Variants in CDC37L1 observed in about 807,000 individuals in gnomAD.
CDC37L1 encodes the protein cell division cycle 37 like 1, HSP90 cochaperone.
A neutral mutation model predicts 45.9 loss-of-function variants in CDC37L1; 32 were observed. The observed-to-expected ratio is 0.70, with a 90% CI of 0.53 to 0.94. The LOEUF is 0.94. Among genes scored for constraint, CDC37L1 ranks in the 40% least tolerant of loss-of-function variants. The pLI, the probability that CDC37L1 is intolerant of heterozygous loss-of-function variation, is 0.00. For missense variants in CDC37L1, 434 were observed against 405.7 expected (o/e 1.07, Z -0.60); for synonymous variants, 150 against 133.0 (o/e 1.13, Z -0.88).
In CDC37L1 at chr9:4,679,744, T is replaced by G. The variant is rs1357570716; in HGVS notation, c.-24T>G. 6.2e-7 allele frequency: 1 copy of G among 1,601,082 alleles called. No individual in the cohort carries two copies. Among genetic ancestry groups the G allele is most frequent in the South Asian group, 1.1e-5 (1 of 90,168 alleles). The stretch of plus-strand genomic sequence containing the variant: ...GTGGCAGTTGTAGGGCCAAGGGCGG[T>G]TGTAGGACCCGGAGCAGCCGGACAT... On this transcript the variant is annotated 5_prime_UTR_variant, in exon 1 of 7. Coordinates refer to ENST00000381854, the MANE Select transcript of CDC37L1 (RefSeq NM_017913.4).
intron 6 of CDC37L1, among the ~76,000 whole-genome samples, chr9:4,702,559 CTT>C (rs1841408366): frequency 6.6e-6 from 1 of 152,112 alleles, no homozygotes; most frequent in African/African-American, 2.4e-5. Flanking sequence ...GTTTGAGCCT[CTT>C]TGAAGTCTTC....
intron 1 of CDC37L1, among the ~76,000 whole-genome samples, chr9:4,682,465 C>T (rs1272410621): frequency 4.6e-5 from 7 of 151,754 alleles, no homozygotes; most frequent in Admixed American, 2.0e-4. Context: ...GTAGCTGGGA[C>T]TACAGGCACC....
intron 6 of CDC37L1, among the ~76,000 whole-genome samples, chr9:4,704,508 G>A (rs1048305431): frequency 6.6e-6 from 1 of 152,194 alleles, no homozygotes; most frequent in Non-Finnish European, 1.5e-5. Context: ...ATGGGTGGAT[G>A]AGTTTTGGAG....
chr9:4,689,075 G>T (rs1024622848), intron 3 of CDC37L1, among the ~76,000 whole-genome samples: 1 of 152,088 alleles, frequency 6.6e-6, no homozygotes, highest in Non-Finnish European at 1.5e-5. Context: ...TGAAAAATAG[G>T]TTTTTTCTAT....
rs1180182975 is a variant in CDC37L1 at position 4,707,198 on chromosome 9, C to T, written c.*1086C>T. ...TTTTCAGCTCAGTTACCATAGAATA[C>T]TTCCAAGCTTTACTACTTCCTCTGT... On this transcript the variant is annotated 3_prime_UTR_variant, in exon 7 of 7. Transcript: ENST00000381854. The T allele has an allele frequency of 6.6e-6, 1 of 151,672 alleles. No individual in the cohort carries two copies. The highest frequency in any genetic ancestry group is 2.4e-5 in the African/African-American group (1 of 41,130). 9.4% of individuals were successfully genotyped at this position (151,672 alleles called of 1,614,324 possible).
Position 4,701,848 on chromosome 9 carries a change from T to G in CDC37L1, c.748-16T>G. The G allele has an allele frequency of 6.4e-7, 1 of 1,573,718 alleles. No homozygotes were observed. Among genetic ancestry groups the G allele is most frequent in the Non-Finnish European group, 8.6e-7 (1 of 1,162,632 alleles). The stretch of plus-strand genomic sequence containing the variant: ...TTGAAGAACACAGTCTTTGTTTTTT[T>G]TTTTGTTTTTTCTAGGCAGAGGAAG... On this transcript the variant is annotated splice_polypyrimidine_tract_variant and intron_variant, in intron 5 of 6. Coordinates refer to ENST00000381854, the MANE Select transcript of CDC37L1 (RefSeq NM_017913.4).
chr9:4,702,524 T>C (rs1025882649), intron 6 of CDC37L1, among the ~76,000 whole-genome samples: 4 of 152,196 alleles, frequency 2.6e-5, no homozygotes, highest in Non-Finnish European at 5.9e-5. Context: ...GCTGATAATA[T>C]TGTATCTGGT....
chr9:4,688,622 G>C lies in CDC37L1; in HGVS notation c.508+16G>C, dbSNP rs762631211. On this transcript the variant is annotated intron_variant, in intron 3 of 6. Coordinates refer to ENST00000381854, the MANE Select transcript of CDC37L1 (RefSeq NM_017913.4). ...AGACATTTTGGTAAGTCTACTACTTGGATTTCCTTCTTTGTAATGTTTGGT... is the reference window on the plus strand; with the variant it reads ...AGACATTTTGGTAAGTCTACTACTTCGATTTCCTTCTTTGTAATGTTTGGT... The C allele has an allele frequency of 1.4e-6, 2 of 1,422,728 alleles. No individual in the cohort carries two copies. The highest frequency in any genetic ancestry group is 2.9e-5 in the African/African-American group (2 of 68,768). The allele number at this position is 1,422,728 out of a possible 1,614,324, so 88.1% of individuals were successfully genotyped here. A position where few individuals can be genotyped will look rare whatever the true frequency, so the allele number is the denominator to read the frequency against.
Position 4,693,520 on chromosome 9 carries a change from T to C in CDC37L1, c.509-3576T>C, listed in dbSNP as rs189190390. On this transcript the variant is annotated intron_variant, in intron 3 of 6. Transcript: ENST00000381854. ...TGAAAGAGGAAAGGGAAATCAGTAA[T>C]AAGGAAGGACGTGTATTTCAGGACC... 3.9e-5 allele frequency among the ~76,000 whole-genome samples: 6 copies of C among 152,172 alleles called. 1 individual carries two copies. In the East Asian group the frequency reaches 1.2e-3, roughly 29 times the overall value.
At chr9:4,704,737 T>C (rs1055622579) in intron 6 of CDC37L1, among the ~76,000 whole-genome samples, 1 of 152,240 alleles carries the variant, frequency 6.6e-6, no homozygotes, top group Non-Finnish European at 1.5e-5. Flanking sequence ...TCATTTCTTT[T>C]TTTTAATAAT....
chr9:4,693,824 T>C (rs937535484), intron 3 of CDC37L1, among the ~76,000 whole-genome samples: 23 of 152,282 alleles, frequency 1.5e-4, no homozygotes, highest in African/African-American at 5.3e-4. Flanking sequence ...ATTAATAGCA[T>C]TTAATTGTCA....
At position 4,697,816 on chromosome 9, in the gene CDC37L1, A is replaced by G; in HGVS notation, c.684A>G (p.Glu228=). ...CTGTTGTAATGCAGTTTATTATGGA[A>G]ATGGCCAAAAACTGTAATGTGGATC... ...HQAVVMQFIM[E]MAKNCNVDPR... is the part of the protein sequence containing the mutation. Residue 228 remains glutamate, a synonymous_variant, in exon 5 of 7, where the codon GAA becomes GAG. Coordinates refer to ENST00000381854, the MANE Select transcript of CDC37L1 (RefSeq NM_017913.4). The G allele has an allele frequency of 6.2e-7, 1 of 1,608,808 alleles. No individual in the cohort carries two copies.
intron 2 of CDC37L1, among the ~76,000 whole-genome samples, chr9:4,687,678 C>CAAAA (rs59932144): frequency 0.012 from 720 of 58,156 alleles, 19 homozygotes; most frequent in African/African-American, 0.025. Flanking sequence ...GACCCCATCT[C>CAAAA]AAAAAAAAAA....
At chr9:4,685,863 GAT>G (rs1478899748) in intron 2 of CDC37L1, among the ~76,000 whole-genome samples, 2 of 152,154 alleles carry the variant, frequency 1.3e-5, no homozygotes, top group Non-Finnish European at 2.9e-5. Flanking sequence ...GGAATAAAAT[GAT>G]ATTTATTGAA....
chr9:4,689,911 T>G (rs1841285745), intron 3 of CDC37L1, among the ~76,000 whole-genome samples: 1 of 152,218 alleles, frequency 6.6e-6, no homozygotes, highest in African/African-American at 2.4e-5. Context: ...ACAACATTCC[T>G]CAAGGTGTTT....
rs372930492 is a variant in CDC37L1 at position 4,683,153 on chromosome 9, T to C, written c.133-1724T>C. On this transcript the variant is annotated intron_variant, in intron 1 of 6. Coordinates refer to ENST00000381854, the MANE Select transcript of CDC37L1 (RefSeq NM_017913.4). ...TTTTATAATATATGAATATATATTA[T>C]AAAATATACTTAGGGACATGGTTTA... is the stretch of plus-strand genomic sequence containing the variant. 4.8e-5 allele frequency among the ~76,000 whole-genome samples: 7 copies of C among 145,888 alleles called. No homozygotes were observed. The South Asian group carries it at 8.4e-4, about 18-fold the overall frequency.
chr9:4,682,329 A>ATTTTTT (rs1313029477), intron 1 of CDC37L1, among the ~76,000 whole-genome samples: 7 of 92,846 alleles, frequency 7.5e-5, no homozygotes, highest in East Asian at 6.6e-4. Context: ...TGCCCAGCTA[A>ATTTTTT]TTTTTTTTTT....
In CDC37L1 at chr9:4,679,755, G is replaced by T; in HGVS notation, c.-13G>T. 1 of 1,607,174 alleles carries T rather than the reference G, an allele frequency of 6.2e-7. No homozygotes were observed. On this transcript the variant is annotated 5_prime_UTR_variant, in exon 1 of 7. Coordinates refer to ENST00000381854, the MANE Select transcript of CDC37L1 (RefSeq NM_017913.4). ...AGGGCCAAGGGCGGTTGTAGGACCC[G>T]GAGCAGCCGGACATGGAACAACCGT...
At chr9:4,692,949 G>A (rs1007875357) in intron 3 of CDC37L1, among the ~76,000 whole-genome samples, 2 of 152,124 alleles carry the variant, frequency 1.3e-5, no homozygotes, top group African/African-American at 4.8e-5. Flanking sequence ...ACAAGTATGG[G>A]TTTGGTTTCA....
Sources: gnomAD v4.1 joint callset for allele counts (sites outside exome capture counted in the v4.1 genomes callset) on GRCh38, gnomAD v4.1.1 for gene constraint, MANE v1.5 for transcripts, NCBI Gene and HGNC (gene_info 2026-07-23, HGNC 2026-07-21) for gene names.